The following MEGF6 variants were observed in gnomAD, a reference collection of about 807,000 sequenced individuals.
The protein encoded by MEGF6 is multiple EGF like domains 6.
MEGF6 carries 184 observed loss-of-function variants against 207.1 expected under a neutral mutation model. That is an observed-to-expected ratio of 0.89 (90% CI 0.79 to 1.00). MEGF6 has a LOEUF of 1.00. MEGF6 is among the 50% of genes least tolerant of loss of function. The probability of loss-of-function intolerance (pLI) is 0.00; values close to 1 mark genes in which losing one functional copy is unlikely to be tolerated. For missense variants in MEGF6, 2,282 were observed against 2,202.9 expected, an observed-to-expected ratio of 1.04 and a Z score of -0.72; for synonymous variants, 1,038 against 910.0, an observed-to-expected ratio of 1.14 and a Z score of -2.53.
intron 4 of MEGF6, among the ~76,000 whole-genome samples, chr1:3,535,924 A>G (rs889752897): frequency 6.6e-6 from 1 of 152,112 alleles, no homozygotes; most frequent in Admixed American, 6.5e-5. Context: ...TCTCCTGCTC[A>G]TCACCCTCCC....
chr1:3,525,787 C>T (rs1641938077), intron 4 of MEGF6, among the ~76,000 whole-genome samples: 1 of 152,264 alleles, frequency 6.6e-6, no homozygotes, highest in South Asian at 2.1e-4. Flanking sequence ...CCACCCTCTG[C>T]AGGAACGCAG....
chr1:3,526,906 G>A (rs1641986919), intron 4 of MEGF6, among the ~76,000 whole-genome samples: 1 of 152,174 alleles, frequency 6.6e-6, no homozygotes, highest in African/African-American at 2.4e-5. Flanking sequence ...GCCTCGAGAG[G>A]GAAGGCAACA....
chr1:3,534,241 A>G (rs1201301995), intron 4 of MEGF6, among the ~76,000 whole-genome samples: 1 of 152,222 alleles, frequency 6.6e-6, no homozygotes, highest in Non-Finnish European at 1.5e-5. Context: ...AAAGAATAGA[A>G]GAGAACTACC....
intron 5 of MEGF6, among the ~76,000 whole-genome samples, chr1:3,520,589 C>T (rs1316473279): frequency 2.6e-5 from 4 of 152,018 alleles, no homozygotes; most frequent in South Asian, 2.1e-4. Flanking sequence ...ACTGAGCGGC[C>T]GGGGCAATGG....
At chr1:3,580,129 T>C (rs530465366) in intron 3 of MEGF6, among the ~76,000 whole-genome samples, 200 bp from the exon 4 acceptor site, 127 of 152,234 alleles carry the variant, frequency 8.3e-4, no homozygotes, top group Middle Eastern at 3.4e-3. Context: ...CCACGTGCAG[T>C]TGGGGTTAGG....
intron 4 of MEGF6, among the ~76,000 whole-genome samples, chr1:3,567,630 G>C (rs908372315): frequency 6.6e-6 from 1 of 152,210 alleles, no homozygotes. Context: ...CGGCCAGCCT[G>C]GCCTAGCTCC....
intron 4 of MEGF6, among the ~76,000 whole-genome samples, chr1:3,568,861 A>G (rs1643421778): frequency 6.6e-6 from 1 of 152,110 alleles, no homozygotes; most frequent in African/African-American, 2.4e-5. Context: ...GGGCCTGCAG[A>G]GCGTGTTCAC....
chr1:3,498,415 C>T lies in MEGF6; in HGVS notation c.3308G>A (p.Arg1103His), dbSNP rs756134099. Residue 1103 changes from arginine (R) to histidine (H), a missense_variant, in exon 26 of 37, where the codon CGC becomes CAC. Coordinates refer to ENST00000356575, the MANE Select transcript of MEGF6 (RefSeq NM_001409.4). ...AGTCCAGCCGGCTGGGCAGAGGCAG[C>T]GGCCCGTGTGCGGGTCACACAGGCC... The part of the protein sequence containing the change: ...NGGLCDPHTG[R>H]CLCPAGWTGD... 1.7e-4 allele frequency: 273 copies of T among 1,591,134 alleles called. 2 individuals are homozygous for T. The South Asian group carries it at 2.8e-3, about 16-fold the overall frequency.
Position 3,495,934 on chromosome 1 carries a change from G to A in MEGF6, c.3827C>T (p.Thr1276Ile), listed in dbSNP as rs1313494288. The A allele has an allele frequency of 1.3e-6, 2 of 1,596,126 alleles. No homozygotes were observed. Among genetic ancestry groups the A allele is most frequent in the South Asian group, 1.1e-5 (1 of 90,370 alleles). The change falls in exon 30 of 37, where the codon ACC becomes ATC. Residue 1276 changes from threonine (T) to isoleucine (I), a missense_variant. By Grantham distance (89) the Thr-to-Ile change is moderately conservative (BLOSUM62 -1). Transcript: ENST00000356575. ...QGAACDPVTG[T>I]CLCPPGRAGV... ...GGCTCTCCCCGGGGGGCAGAGGCAG[G>A]TGCCGGTCACAGGGTCGCAGGCCGC...
At chr1:3,611,051 A>C in intron 1 of MEGF6, 87 bp downstream of exon 1, 1 of 1,356,560 alleles carries the variant, frequency 7.4e-7, no homozygotes, top group South Asian at 1.7e-5. Flanking sequence ...CCAGGGACAA[A>C]GCCTCGGAGC....
At chr1:3,589,507 G>A (rs532344395) in intron 3 of MEGF6, among the ~76,000 whole-genome samples, 2 of 152,122 alleles carry the variant, frequency 1.3e-5, no homozygotes, top group African/African-American at 4.8e-5. Flanking sequence ...ACCACCACCC[G>A]GACAGAGGAG....
At chr1:3,601,492 G>A (rs1227049885) in intron 2 of MEGF6, among the ~76,000 whole-genome samples, 1 of 152,088 alleles carries the variant, frequency 6.6e-6, no homozygotes, top group Non-Finnish European at 1.5e-5. Flanking sequence ...TTGTTTTGGG[G>A]GCTCAGGATC....
chr1:3,584,430 G>C (rs1220960103), intron 3 of MEGF6, among the ~76,000 whole-genome samples: 1 of 152,192 alleles, frequency 6.6e-6, no homozygotes, highest in East Asian at 1.9e-4. Flanking sequence ...TGGGAAGTTG[G>C]GGTGACCACC....
intron 3 of MEGF6, among the ~76,000 whole-genome samples, chr1:3,585,980 G>GCATGTCCTGTGTGTGGGTGTGTGGACA (rs1192134590): frequency 1.0e-4 from 9 of 86,812 alleles, no homozygotes; most frequent in African/African-American, 1.1e-4. Context: ...GTGTGTGGAC[G>GCATGTCCTGTGTGTGGGTGTGTGGACA]CATGTCCTGT....
In MEGF6 at chr1:3,563,514, G is replaced by A. The variant is rs142218442; in HGVS notation, c.481+16311C>T. On this transcript the variant is annotated intron_variant, in intron 4 of 36. Coordinates refer to ENST00000356575, the MANE Select transcript of MEGF6 (RefSeq NM_001409.4). ...CCCTGAAAACAGGCCATGCCTGCTC[G>A]GCCACCATGGTGTGGCCAGCCCCCG... Among the ~76,000 whole-genome samples, 1,223 of 152,294 alleles carry A rather than the reference G, an allele frequency of 8.0e-3. 13 individuals are homozygous for A. Among genetic ancestry groups the A allele is most frequent in the African/African-American group, 0.028 (1,181 of 41,576 alleles).
Position 3,505,242 on chromosome 1 carries a change from A to T in MEGF6, c.2154T>A (p.Cys718Ter). ...DSVSGECGKR[C>*]PAGFQGEDCG... ...AGTCCTCTCCCTGGAAGCCAGCAGG[A>T]CACCGCTTCCCACACTCGCCGCTCA... Residue 718 changes from cysteine to a stop codon, truncating the protein, a stop_gained, in exon 17 of 37, where the codon TGT becomes TGA. Transcript: ENST00000356575. LOFTEE classifies it high-confidence loss of function. 1 of 1,612,248 alleles carries T rather than the reference A, an allele frequency of 6.2e-7. No homozygotes were observed. Among genetic ancestry groups the T allele is most frequent in the Non-Finnish European group, 8.5e-7 (1 of 1,179,676 alleles).
intron 4 of MEGF6, among the ~76,000 whole-genome samples, chr1:3,557,134 G>A (rs909504403): frequency 1.2e-4 from 18 of 152,164 alleles, no homozygotes; most frequent in African/African-American, 4.3e-4. Flanking sequence ...CCCAAAAGCT[G>A]GAAAAGGCAG....
intron 4 of MEGF6, among the ~76,000 whole-genome samples, chr1:3,557,113 C>T (rs918440403): frequency 3.9e-5 from 6 of 152,084 alleles, no homozygotes; most frequent in Admixed American, 2.0e-4. Flanking sequence ...AGCCAAGGAA[C>T]GTGTGAGCTC....
intron 4 of MEGF6, among the ~76,000 whole-genome samples, chr1:3,544,951 C>G (rs1163648952): frequency 1.3e-5 from 2 of 152,174 alleles, no homozygotes; most frequent in Non-Finnish European, 2.9e-5. Flanking sequence ...CGGACAGTGA[C>G]CCGCCCTTTG....
Sources: allele counts gnomAD v4.1 joint callset (sites outside exome capture counted in the v4.1 genomes callset), GRCh38; gene constraint gnomAD v4.1.1; transcripts MANE v1.5; gene names NCBI Gene and HGNC (gene_info 2026-07-23, HGNC 2026-07-21).